Variants in MYZAP observed in about 807,000 individuals in gnomAD.
MYZAP encodes the protein myocardial zonula adherens protein.
In MYZAP, 66 loss-of-function variants were observed where a neutral mutation model predicts 69.4. That is an observed-to-expected ratio of 0.95 (90% CI 0.78 to 1.17). MYZAP has a LOEUF of 1.17. Among genes scored for constraint, MYZAP ranks in the 50% most tolerant of loss-of-function variants. The pLI is 0.00. For synonymous variants in MYZAP, 256 were observed against 205.9 expected (o/e 1.24, Z -2.09); for missense variants, 611 against 556.2 (o/e 1.10, Z -0.99).
At chr15:57,612,578 G>A (rs2035175128) in intron 2 of MYZAP, among the ~76,000 whole-genome samples, 1 of 152,182 alleles carries the variant, frequency 6.6e-6, no homozygotes, top group Admixed American at 6.5e-5. Flanking sequence ...GTTGTCCCTG[G>A]CTTTTTGGAG....
intron 10 of MYZAP, among the ~76,000 whole-genome samples, chr15:57,659,141 T>C (rs1392969276): frequency 6.6e-6 from 1 of 152,208 alleles, no homozygotes; most frequent in African/African-American, 2.4e-5. Flanking sequence ...TTTACTCAAT[T>C]ACACTCATTA....
chr15:57,676,297 G>A (rs546875005), intron 12 of MYZAP, among the ~76,000 whole-genome samples: 31 of 151,378 alleles, frequency 2.0e-4, no homozygotes, highest in Admixed American at 1.3e-4. Flanking sequence ...TACCAAAAGC[G>A]GCATTAGGTT....
At chr15:57,661,788 C>G (rs534757106) in intron 11 of MYZAP, among the ~76,000 whole-genome samples, 77 of 152,296 alleles carry the variant, frequency 5.1e-4, no homozygotes, top group African/African-American at 1.7e-3. Flanking sequence ...TCCTAGCAAG[C>G]CTGATAAGCT....
intron 3 of MYZAP, among the ~76,000 whole-genome samples, chr15:57,621,287 T>C (rs1235240490): frequency 3.4e-5 from 5 of 148,718 alleles, no homozygotes; most frequent in Admixed American, 6.8e-5. Context: ...CTCGGCTCAC[T>C]GCAAGCTCCG....
At chr15:57,612,715 G>A (rs1567205373) in intron 2 of MYZAP, among the ~76,000 whole-genome samples, 2 of 152,126 alleles carry the variant, frequency 1.3e-5, no homozygotes, top group African/African-American at 4.8e-5. Flanking sequence ...TTAGTTTTCT[G>A]TAGCTGCTCT....
At chr15:57,634,480 A>G (rs1226817099) in intron 8 of MYZAP, among the ~76,000 whole-genome samples, 2 of 152,172 alleles carry the variant, frequency 1.3e-5, no homozygotes, top group Non-Finnish European at 2.9e-5. Context: ...AGACCCTGAC[A>G]TTATTAGCAC....
At chr15:57,680,102 C>T (rs1164308435) in intron 12 of MYZAP, among the ~76,000 whole-genome samples, 1 of 152,148 alleles carries the variant, frequency 6.6e-6, no homozygotes, top group Non-Finnish European at 1.5e-5. Context: ...AGGGAAGTAA[C>T]AGGCATAGAA....
At chr15:57,610,685 G>A (rs1290616932) in intron 2 of MYZAP, among the ~76,000 whole-genome samples, 1 of 152,188 alleles carries the variant, frequency 6.6e-6, no homozygotes, top group Non-Finnish European at 1.5e-5. Context: ...AAATGTGGAA[G>A]TTCTATTGGT....
At chr15:57,624,106 G>A (rs1343757331) in intron 4 of MYZAP, among the ~76,000 whole-genome samples, 1 of 152,210 alleles carries the variant, frequency 6.6e-6, no homozygotes, top group East Asian at 1.9e-4. Context: ...TTTGCACCAT[G>A]TGAGTGTATT....
At chr15:57,644,118 T>C (rs2037317401) in intron 10 of MYZAP, among the ~76,000 whole-genome samples, 1 of 152,228 alleles carries the variant, frequency 6.6e-6, no homozygotes, top group African/African-American at 2.4e-5. Context: ...TTTTAAAAAC[T>C]CTGCAAGTGA....
intron 2 of MYZAP, among the ~76,000 whole-genome samples, chr15:57,610,373 A>C (rs2035026558): frequency 6.6e-6 from 1 of 152,186 alleles, no homozygotes; most frequent in Non-Finnish European, 1.5e-5. Flanking sequence ...CCTTGGCGTG[A>C]CTGTTTATAC....
intron 10 of MYZAP, among the ~76,000 whole-genome samples, chr15:57,648,941 A>G (rs1047741319): frequency 8.6e-5 from 13 of 151,330 alleles, no homozygotes; most frequent in South Asian, 2.1e-4. Context: ...TTTACTGTGT[A>G]TATATATATA....
chr15:57,599,558 C>T, intron 1 of MYZAP: 1 of 1,283,298 alleles, frequency 7.8e-7, no homozygotes, highest in Non-Finnish European at 1.0e-6. Context: ...GTGCATAACA[C>T]AAGCCCTGAA....
chr15:57,635,060 G>C (rs1031337006), intron 8 of MYZAP, among the ~76,000 whole-genome samples: 2 of 152,146 alleles, frequency 1.3e-5, no homozygotes, highest in South Asian at 4.2e-4. Flanking sequence ...GGGTGGTCTG[G>C]GGGAGATGCC....
chr15:57,673,463 C>CGTGTGT (rs3051249), intron 11 of MYZAP, among the ~76,000 whole-genome samples: 1,445 of 102,638 alleles, frequency 0.014, 42 homozygotes, highest in Non-Finnish European at 0.017. Flanking sequence ...TGCGTGCATG[C>CGTGTGT]GTGTGTGTGT....
intron 5 of MYZAP, among the ~76,000 whole-genome samples, chr15:57,628,997 C>A (rs2554037): frequency 2.7e-5 from 4 of 150,316 alleles, no homozygotes; most frequent in Non-Finnish European, 5.9e-5. Flanking sequence ...GCAGGAGAAT[C>A]GCTTGAACCT....
chr15:57,593,840 T>A (rs1292790800), intron 1 of MYZAP, among the ~76,000 whole-genome samples: 2 of 152,182 alleles, frequency 1.3e-5, no homozygotes, highest in African/African-American at 4.8e-5. Context: ...TGCTCATGAT[T>A]TGCAGATGTT....
chr15:57,649,055 A>T (rs1408994935), intron 10 of MYZAP, among the ~76,000 whole-genome samples: 13 of 152,044 alleles, frequency 8.6e-5, no homozygotes, highest in African/African-American at 3.1e-4. Flanking sequence ...CTTATTTCTC[A>T]GTTTTGTTTC....
chr15:57,666,635 A>C (rs576158159), intron 11 of MYZAP, among the ~76,000 whole-genome samples: 4 of 152,218 alleles, frequency 2.6e-5, no homozygotes, highest in South Asian at 2.1e-4. Flanking sequence ...AGGGGACATA[A>C]ACATGGGAAC....
Sources: gnomAD v4.1 joint callset for allele counts (sites outside exome capture counted in the v4.1 genomes callset) on GRCh38, gnomAD v4.1.1 for gene constraint, MANE v1.5 for transcripts, NCBI Gene and HGNC (gene_info 2026-07-23, HGNC 2026-07-21) for gene names.